Variants in PIEZO2 observed in about 807,000 individuals in gnomAD.
PIEZO2 encodes the protein piezo type mechanosensitive ion channel component 2, also known as piezo-type mechanosensitive ion channel component 2.
In PIEZO2, 172 loss-of-function variants were observed where a neutral mutation model predicts 337.3. That is an observed-to-expected ratio of 0.51 (90% confidence interval 0.45 to 0.58). PIEZO2 has a LOEUF of 0.58. Among genes scored for constraint, PIEZO2 ranks in the 20% least tolerant of loss-of-function variants. PIEZO2 has a pLI of 0.00. For missense variants in PIEZO2, 3,028 were observed against 3,391.3 expected, an observed-to-expected ratio of 0.89 and a Z score of 2.66; for synonymous variants, 1,251 against 1,228.5, an observed-to-expected ratio of 1.02 and a Z score of -0.38.
In PIEZO2 at chr18:10,785,939, C is replaced by T. The variant is rs571198977; in HGVS notation, c.2319-982G>A. Among the ~76,000 whole-genome samples, 9 of 152,198 alleles carry T rather than the reference C, an allele frequency of 5.9e-5. No homozygotes were observed. The South Asian group carries it at 1.7e-3, about 28-fold the overall frequency. On this transcript the variant is annotated intron_variant, in intron 16 of 55. Transcript: ENST00000674853. ...CATCCCAGCTGCCTGCCTGAATTCT[C>T]CCCACTCTTCGCTGTCCACTCACCC...
chr18:10,849,676 C>G (rs2041481085), intron 7 of PIEZO2, among the ~76,000 whole-genome samples: 1 of 152,210 alleles, frequency 6.6e-6, no homozygotes, highest in Non-Finnish European at 1.5e-5. Flanking sequence ...CGAACATCAG[C>G]CTCATAACAT....
rs774188070 is a variant in PIEZO2 at position 11,104,128 on chromosome 18, G to A, written c.65-37906C>T. On this transcript the variant is annotated intron_variant, in intron 1 of 55. Transcript: ENST00000674853. The surrounding 1 kb of genome is among the most constrained non-coding windows in gnomAD (Gnocchi z 4.6). ...ATTCTTCTTATCATAGCTTTCACTG[G>A]GATTGCAATATAACATATGTCTAGT... 2.6e-4 allele frequency among the ~76,000 whole-genome samples: 39 copies of A among 152,058 alleles called. No individual in the cohort carries two copies. Among genetic ancestry groups the A allele is most frequent in the Non-Finnish European group, 4.9e-4 (33 of 68,008 alleles).
Position 10,853,180 on chromosome 18 carries a change from A to G in PIEZO2, c.917+2173T>C, listed in dbSNP as rs909176682. ...CAACTCCAGTAAACAGACTACATGC[A>G]GCCCCTCCCAAGGGCTGGCAGGCCA... is the stretch of plus-strand genomic sequence containing the variant. On this transcript the variant is annotated intron_variant, in intron 7 of 55. Coordinates refer to ENST00000674853, the MANE Select transcript of PIEZO2 (RefSeq NM_001378183.1). This position sits in a 1 kb window ranked among gnomAD's most constrained non-coding sequence, Gnocchi z 4.2. Among the ~76,000 whole-genome samples the G allele has an allele frequency of 6.6e-6, 1 of 152,190 alleles. No homozygotes were observed. The highest frequency in any genetic ancestry group is 1.5e-5 in the Non-Finnish European group (1 of 68,036).
chr18:10,796,534 T>C (rs958372075), intron 12 of PIEZO2, among the ~76,000 whole-genome samples: 2 of 152,166 alleles, frequency 1.3e-5, no homozygotes, highest in Non-Finnish European at 1.5e-5. Flanking sequence ...CCTCTCAAAT[T>C]GGCAAAATAA....
chr18:10,672,950 C>T lies in PIEZO2; in HGVS notation c.8162-77G>A. On this transcript the variant is annotated intron_variant, in intron 54 of 55. Coordinates refer to ENST00000674853, the MANE Select transcript of PIEZO2 (RefSeq NM_001378183.1). The surrounding 1 kb of genome is among the most constrained non-coding windows in gnomAD (Gnocchi z 4.7). ...ATGCACAGCAACAGTTTTCAGATGG[C>T]AAAATCTGGTTACTAACTATAGCAT... 8.3e-7 allele frequency: 1 copy of T among 1,206,364 alleles called. No individual in the cohort carries two copies. The highest frequency in any genetic ancestry group is 1.4e-5 in the South Asian group (1 of 69,878). The allele number at this position is 1,206,364 out of a possible 1,614,324, so 74.7% of individuals were successfully genotyped here. A position where few individuals can be genotyped will look rare whatever the true frequency, so the allele number is the denominator to read the frequency against.
chr18:10,866,500 T>C (rs898873530), intron 5 of PIEZO2, among the ~76,000 whole-genome samples: 1 of 152,180 alleles, frequency 6.6e-6, no homozygotes, highest in South Asian at 2.1e-4. Flanking sequence ...TTAGCCAGGA[T>C]GGTCTCAATA....
chr18:10,902,362 C>A (rs1482492251), intron 4 of PIEZO2, among the ~76,000 whole-genome samples: 1 of 152,144 alleles, frequency 6.6e-6, no homozygotes, highest in Non-Finnish European at 1.5e-5. Context: ...TGACAGAGGG[C>A]ATGAAGGAAC....
intron 33 of PIEZO2, 107 bp from the exon 34 acceptor site, chr18:10,736,817 C>T: frequency 8.0e-7 from 1 of 1,253,316 alleles, no homozygotes; most frequent in Non-Finnish European, 1.1e-6. Context: ...ATAAGAGAAC[C>T]ACAACGAAAG....
chr18:11,100,291 A>G (rs2039374750), intron 1 of PIEZO2, among the ~76,000 whole-genome samples: 2 of 152,234 alleles, frequency 1.3e-5, no homozygotes, highest in Non-Finnish European at 2.9e-5. Flanking sequence ...TGCTAAAATA[A>G]TTGATGTTTC....
chr18:11,113,481 G>A (rs1472580872), intron 1 of PIEZO2, among the ~76,000 whole-genome samples: 3 of 152,236 alleles, frequency 2.0e-5, no homozygotes, highest in East Asian at 1.9e-4. Context: ...AAAACCCTCC[G>A]GATATGCGGA....
intron 37 of PIEZO2, among the ~76,000 whole-genome samples, chr18:10,717,839 CCTCT>C (rs939261815): frequency 2.6e-5 from 4 of 152,196 alleles, no homozygotes; most frequent in African/African-American, 9.6e-5. Context: ...TTTACCTCCT[CCTCT>C]CTGTGTTTTT....
At chr18:10,702,550 A>G (rs1051829594) in intron 42 of PIEZO2, among the ~76,000 whole-genome samples, 2 of 152,230 alleles carry the variant, frequency 1.3e-5, no homozygotes, top group Admixed American at 6.5e-5. Context: ...ACATACTCGT[A>G]TCTTTCTAGT....
In PIEZO2 at chr18:10,828,666, G is replaced by A. The variant is rs536041774; in HGVS notation, c.918-21392C>T. 2.0e-4 allele frequency among the ~76,000 whole-genome samples: 31 copies of A among 152,206 alleles called. No homozygotes were observed. Among genetic ancestry groups the A allele is most frequent in the South Asian group, 1.5e-3 (7 of 4,814 alleles). On this transcript the variant is annotated intron_variant, in intron 7 of 55. Coordinates refer to ENST00000674853, the MANE Select transcript of PIEZO2 (RefSeq NM_001378183.1). This position sits in a 1 kb window ranked among gnomAD's most constrained non-coding sequence, Gnocchi z 4.1. Reference sequence around the variant, plus strand: ...CCTTATGCCAATAATAGCACCATGCGGGTGGCAATACTGGTCATATGTTCA... The same window carrying A: ...CCTTATGCCAATAATAGCACCATGCAGGTGGCAATACTGGTCATATGTTCA...
rs1388132325 is a variant in PIEZO2 at position 11,092,001 on chromosome 18, A to G, written c.65-25779T>C. ...CGTGGTTTCCCCACGCTATTAGTGA[A>G]TCATAGCCAGTATCCCAATAAAAGA... On this transcript the variant is annotated intron_variant, in intron 1 of 55. Coordinates refer to ENST00000674853, the MANE Select transcript of PIEZO2 (RefSeq NM_001378183.1). The surrounding 1 kb of genome is among the most constrained non-coding windows in gnomAD (Gnocchi z 4.5). Among the ~76,000 whole-genome samples, 2 of 152,198 alleles carry G rather than the reference A, an allele frequency of 1.3e-5. No homozygotes were observed. The highest frequency in any genetic ancestry group is 2.9e-5 in the Non-Finnish European group (2 of 68,038).
chr18:11,136,021 CTAAAGA>C (rs2040474019), intron 1 of PIEZO2, among the ~76,000 whole-genome samples: 1 of 152,166 alleles, frequency 6.6e-6, no homozygotes. Flanking sequence ...CATCCTTACT[CTAAAGA>C]TAATTTGCTC....
chr18:11,068,706 A>T (rs1385143367), intron 1 of PIEZO2, among the ~76,000 whole-genome samples: 1 of 152,192 alleles, frequency 6.6e-6, no homozygotes, highest in African/African-American at 2.4e-5. Flanking sequence ...AATGAAACAG[A>T]CAATAGAAAA....
At chr18:11,117,143 G>A (rs559691545) in intron 1 of PIEZO2, among the ~76,000 whole-genome samples, 16 of 152,310 alleles carry the variant, frequency 1.1e-4, no homozygotes, top group African/African-American at 2.9e-4. Context: ...GTAGCTAAGA[G>A]AGAAGATTTG....
chr18:10,892,570 G>A (rs2042787042), intron 4 of PIEZO2, among the ~76,000 whole-genome samples: 1 of 151,914 alleles, frequency 6.6e-6, no homozygotes, highest in Non-Finnish European at 1.5e-5. Flanking sequence ...AAATGATTGT[G>A]TATATTTTCA....
chr18:10,736,464 A>G lies in PIEZO2; in HGVS notation c.4815+140T>C, dbSNP rs959356385. 21 of 1,220,098 alleles carry G rather than the reference A, an allele frequency of 1.7e-5. No individual in the cohort carries two copies. The East Asian group carries it at 3.1e-4, about 18-fold the overall frequency. 75.6% of individuals were successfully genotyped at this position (1,220,098 alleles called of 1,614,324 possible). A position where few individuals can be genotyped will look rare whatever the true frequency, so the allele number is the denominator to read the frequency against. ...GCATCATTACAATTTAATTAGAAAT[A>G]AAGAATTGCAGATGTAAATCAGAAG... On this transcript the variant is annotated intron_variant, in intron 34 of 55. Coordinates refer to ENST00000674853, the MANE Select transcript of PIEZO2 (RefSeq NM_001378183.1).
Sources: gnomAD v4.1 joint callset for allele counts (sites outside exome capture counted in the v4.1 genomes callset) on GRCh38, gnomAD v4.1.1 for gene constraint, Gnocchi (gnomAD v3.1) non-coding constraint, MANE v1.5 for transcripts, NCBI Gene and HGNC (gene_info 2026-07-23, HGNC 2026-07-21) for gene names.